Variants in WWC2 observed in about 807,000 individuals in gnomAD.
The protein encoded by WWC2 is protein WWC2.
Under a neutral mutation model 138.5 loss-of-function variants are expected in WWC2, and 101 were observed. The observed-to-expected ratio is 0.73, with a 90% CI of 0.62 to 0.86. The LOEUF is 0.86. WWC2 is among the 40% of genes least tolerant of loss of function. The pLI is 0.00. For missense variants in WWC2, 1,420 were observed against 1,419.4 expected (o/e 1.00, Z -0.01); for synonymous variants, 558 against 538.4 (o/e 1.04, Z -0.50).
chr4:183,236,386 C>T (rs1471770973), intron 4 of WWC2, among the ~76,000 whole-genome samples: 1 of 151,778 alleles, frequency 6.6e-6, no homozygotes, highest in Non-Finnish European at 1.5e-5. Context: ...GCCTTGTGGT[C>T]AGAACAAATT....
intron 1 of WWC2, among the ~76,000 whole-genome samples, chr4:183,128,949 A>G (rs1732841861): frequency 6.6e-6 from 1 of 152,228 alleles, no homozygotes; most frequent in East Asian, 1.9e-4. Context: ...CTAGTAATTG[A>G]GTGATTTATT....
chr4:183,194,136 A>G (rs1336477906), intron 2 of WWC2, among the ~76,000 whole-genome samples: 4 of 152,188 alleles, frequency 2.6e-5, no homozygotes, highest in African/African-American at 9.6e-5. Flanking sequence ...GGCCTGCATC[A>G]GTGGCTCTGG....
intron 4 of WWC2, among the ~76,000 whole-genome samples, chr4:183,218,474 A>G (rs530690263): frequency 2.0e-5 from 3 of 152,338 alleles, no homozygotes; most frequent in Non-Finnish European, 4.4e-5. Flanking sequence ...GTAATTCTAA[A>G]TTTAACTTTT....
intron 16 of WWC2, among the ~76,000 whole-genome samples, chr4:183,278,155 T>C (rs1737931371): frequency 6.6e-6 from 1 of 152,144 alleles, no homozygotes; most frequent in African/African-American, 2.4e-5. Context: ...GATTTTTGTA[T>C]AAGGTATAAG....
intron 1 of WWC2, among the ~76,000 whole-genome samples, chr4:183,172,939 A>G (rs989186256): frequency 1.2e-4 from 18 of 152,124 alleles, no homozygotes; most frequent in Middle Eastern, 3.4e-3. Flanking sequence ...TAATTTGTCA[A>G]TAGATGGTTT....
intron 1 of WWC2, among the ~76,000 whole-genome samples, chr4:183,141,215 G>T (rs923112453): frequency 6.6e-6 from 1 of 152,158 alleles, no homozygotes. Flanking sequence ...CAAGGTTAAG[G>T]TGTCAGCAGA....
chr4:183,229,858 C>G (rs1332221373), intron 4 of WWC2, among the ~76,000 whole-genome samples: 2 of 152,052 alleles, frequency 1.3e-5, no homozygotes, highest in African/African-American at 2.4e-5. Flanking sequence ...CAGAGTCTCG[C>G]TCTTTCGCCA....
At chr4:183,190,410 A>C (rs1378506784) in intron 1 of WWC2, among the ~76,000 whole-genome samples, 1 of 152,186 alleles carries the variant, frequency 6.6e-6, no homozygotes, top group African/African-American at 2.4e-5. Flanking sequence ...TTAGTACGTC[A>C]TAGTAATATT....
At chr4:183,133,131 TTTTC>T (rs908688300) in intron 1 of WWC2, among the ~76,000 whole-genome samples, 5 of 146,830 alleles carry the variant, frequency 3.4e-5, no homozygotes, top group Admixed American at 6.7e-5. Context: ...CCTTTTTTTC[TTTTC>T]TTTCTTTCTT....
intron 1 of WWC2, among the ~76,000 whole-genome samples, chr4:183,156,330 GTTC>G (rs1554067988): frequency 1.1e-5 from 1 of 90,824 alleles, no homozygotes; most frequent in Admixed American, 1.8e-4. Flanking sequence ...CTGGCCCTTT[GTTC>G]TTTTTTTTTT....
chr4:183,173,899 C>T (rs1013538813), intron 1 of WWC2, among the ~76,000 whole-genome samples: 2 of 152,134 alleles, frequency 1.3e-5, no homozygotes, highest in Non-Finnish European at 1.5e-5. Flanking sequence ...GCACAAAAAG[C>T]TGTTTGGAAG....
intron 4 of WWC2, among the ~76,000 whole-genome samples, chr4:183,239,288 T>C (rs1736539093): frequency 6.6e-6 from 1 of 151,730 alleles, no homozygotes; most frequent in Non-Finnish European, 1.5e-5. Flanking sequence ...CACTCCAGCC[T>C]GGTCGACAGA....
intron 21 of WWC2, among the ~76,000 whole-genome samples, chr4:183,292,764 A>G (rs1431039506): frequency 6.6e-6 from 1 of 152,214 alleles, no homozygotes; most frequent in Admixed American, 6.5e-5. Flanking sequence ...ACACTTCCAC[A>G]ACTAATTTTA....
At position 183,320,395 on chromosome 4, in the gene WWC2, G is replaced by T. The variant is rs561958907; in HGVS notation, c.*4666G>T. ...TCCATGTTGAATGGGTTTCACAAAA[G>T]GATAGGGAAATAATGCCGCCAACCA... On this transcript the variant is annotated 3_prime_UTR_variant, in exon 23 of 23. Transcript: ENST00000403733. 4.8e-5 allele frequency: 32 copies of T among 665,752 alleles called. No homozygotes were observed. Among genetic ancestry groups the T allele is most frequent in the African/African-American group, 4.5e-4 (25 of 54,956 alleles). The allele number at this position is 665,752 out of a possible 1,614,324, so 41.2% of individuals were successfully genotyped here. A position where few individuals can be genotyped will look rare whatever the true frequency, so the allele number is the denominator to read the frequency against.
chr4:183,292,875 A>G (rs1485207683), intron 21 of WWC2, among the ~76,000 whole-genome samples: 1 of 152,212 alleles, frequency 6.6e-6, no homozygotes, highest in Non-Finnish European at 1.5e-5. Flanking sequence ...ACTAAAAAAT[A>G]TTGGTAAACA....
Position 183,099,587 on chromosome 4 carries a change from C to T in WWC2, c.96C>T (p.Asn32=), listed in dbSNP as rs1160787642. 1.1e-5 allele frequency: 16 copies of T among 1,398,698 alleles called. No individual in the cohort carries two copies. The highest frequency in any genetic ancestry group is 1.5e-5 in the South Asian group (1 of 66,028). The allele number at this position is 1,398,698 out of a possible 1,614,324, so 86.6% of individuals were successfully genotyped here. A position where few individuals can be genotyped will look rare whatever the true frequency, so the allele number is the denominator to read the frequency against. Residue 32 remains asparagine (N), a synonymous_variant, in exon 1 of 23, where the codon AAC becomes AAT. Transcript: ENST00000403733. The part of the protein sequence containing the change: ...YDGKVFYIDH[N]TRRTSWIDPR... Reference sequence around the variant, plus strand: ...GCAAGGTCTTCTACATTGACCACAACACCAGGAGGACCAGCTGGATCGACC... The same window carrying T: ...GCAAGGTCTTCTACATTGACCACAATACCAGGAGGACCAGCTGGATCGACC...
intron 2 of WWC2, among the ~76,000 whole-genome samples, chr4:183,205,597 T>G (rs887532703): frequency 6.6e-6 from 1 of 152,204 alleles, no homozygotes; most frequent in African/African-American, 2.4e-5. Context: ...GTTTTGTGCC[T>G]TTTAGGGAGT....
chr4:183,208,436 G>A (rs1735505610), intron 3 of WWC2, among the ~76,000 whole-genome samples: 2 of 152,270 alleles, frequency 1.3e-5, no homozygotes, highest in South Asian at 4.2e-4. Context: ...TACCTTTTCA[G>A]AACAGTGCAA....
At chr4:183,178,377 C>CAAATAAAT (rs10690640) in intron 1 of WWC2, among the ~76,000 whole-genome samples, 11,973 of 134,464 alleles carry the variant, frequency 0.089, 561 homozygotes, top group Middle Eastern at 0.12. Flanking sequence ...CCTGTTTCTA[C>CAAATAAAT]AAATAAATAA....
Sources: gnomAD v4.1 joint callset for allele counts (sites outside exome capture counted in the v4.1 genomes callset) on GRCh38, gnomAD v4.1.1 for gene constraint, MANE v1.5 for transcripts, NCBI Gene and HGNC (gene_info 2026-07-23, HGNC 2026-07-21) for gene names.